Variants in LTBP3 observed in about 807,000 individuals in gnomAD.
The protein encoded by LTBP3 is latent transforming growth factor beta binding protein 3.
A neutral mutation model predicts 159.7 loss-of-function variants in LTBP3; 97 were observed. The observed-to-expected ratio is 0.61, with a 90% CI of 0.52 to 0.72. The LOEUF (loss-of-function observed/expected upper bound fraction) is 0.72, where lower values mean the gene tolerates loss of function less well. Among genes scored for constraint, LTBP3 ranks in the 30% least tolerant of loss-of-function variants. The pLI is 0.00. For missense variants in LTBP3, 1,584 were observed against 1,864.3 expected (o/e 0.85, Z 2.77); for synonymous variants, 824 against 777.1 (o/e 1.06, Z -1.00).
intron 22 of LTBP3, 50 bp from the exon 23 acceptor site, chr11:65,540,432 G>T (rs1387638971): frequency 6.2e-7 from 1 of 1,609,320 alleles, no homozygotes; most frequent in African/African-American, 1.3e-5. Flanking sequence ...GGATGGGCGC[G>T]GTGGCGCGTG....
chr11:65,553,683 G>A lies in LTBP3; in HGVS notation c.864+18C>T, dbSNP rs374205429. 1.2e-4 allele frequency: 195 copies of A among 1,567,154 alleles called. No individual in the cohort carries two copies. In the South Asian group the frequency reaches 2.1e-3, roughly 17 times the overall value. ...CCTGAGAGAAGGAAAGGCAGATCCC[G>A]ACTGTGGATTCACTCACCGGCTGCT... is the stretch of plus-strand genomic sequence containing the variant. On this transcript the variant is annotated intron_variant, in intron 3 of 27. Transcript: ENST00000301873. This position sits in a 1 kb window ranked among gnomAD's most constrained non-coding sequence, Gnocchi z 6.5.
At position 65,551,420 on chromosome 11, in the gene LTBP3, G is replaced by A; in HGVS notation, c.1603C>T (p.Pro535Ser). The change falls in exon 10 of 28, where the codon CCT becomes TCT. Residue 535 changes from proline to serine, a missense_variant. This residue lies in a region of LTBP3 where 565 missense variants were observed against 677.7 expected (regional missense o/e 0.83). Transcript: ENST00000301873. ...AGCTCACCGGGGTAGGGCCGGGCAGGAGTCGTGGTGGCAGTTGGGTGGCTC... is the reference window on the plus strand; with the variant it reads ...AGCTCACCGGGGTAGGGCCGGGCAGAAGTCGTGGTGGCAGTTGGGTGGCTC... ...QQSHPTATTTPARPYPELISR... is the reference protein window; with the variant it reads ...QQSHPTATTTSARPYPELISR... 1 of 1,613,660 alleles carries A rather than the reference G, an allele frequency of 6.2e-7. No homozygotes were observed. Among genetic ancestry groups the A allele is most frequent in the South Asian group, 1.1e-5 (1 of 91,072 alleles).
chr11:65,553,473 C>G lies in LTBP3; in HGVS notation c.922G>C (p.Gly308Arg). 1 of 1,612,132 alleles carries G rather than the reference C, an allele frequency of 6.2e-7. No homozygotes were observed. Among genetic ancestry groups the G allele is most frequent in the Non-Finnish European group, 8.5e-7 (1 of 1,179,868 alleles). Residue 308 changes from glycine (G) to arginine (R), a missense_variant, in exon 4 of 28, where the codon GGC becomes CGC. By Grantham distance (125) the Gly-to-Arg change is moderately radical. Coordinates refer to ENST00000301873, the MANE Select transcript of LTBP3 (RefSeq NM_001130144.3). The surrounding 1 kb of genome is among the most constrained non-coding windows in gnomAD (Gnocchi z 6.5). ...TKQEDCCGSI[G>R]TAWGQSKCHK... Reference sequence around the variant, plus strand: ...CACTTGCTCTGGCCCCAGGCAGTGCCGATGCTACCGCAGCAGTCTTCCTGC... The same window carrying G: ...CACTTGCTCTGGCCCCAGGCAGTGCGGATGCTACCGCAGCAGTCTTCCTGC...
Position 65,538,718 on chromosome 11 carries a change from G to T in LTBP3, c.*362C>A. On this transcript the variant is annotated 3_prime_UTR_variant, in exon 28 of 28. Coordinates refer to ENST00000301873, the MANE Select transcript of LTBP3 (RefSeq NM_001130144.3). Reference sequence around the variant, plus strand: ...TTCTATTTCACACCCCTTGTGCCGGGCTCAGTCTAGCCCCTGGGAGGCGGC... The same window carrying T: ...TTCTATTTCACACCCCTTGTGCCGGTCTCAGTCTAGCCCCTGGGAGGCGGC... The T allele has an allele frequency of 1.8e-6, 2 of 1,119,774 alleles. No individual in the cohort carries two copies. Among genetic ancestry groups the T allele is most frequent in the Non-Finnish European group, 1.2e-6 (1 of 808,970 alleles). The allele number at this position is 1,119,774 out of a possible 1,614,324, so 69.4% of individuals were successfully genotyped here.
Position 65,547,480 on chromosome 11 carries a change from G to A in LTBP3, c.2066C>T (p.Pro689Leu). 6.2e-7 allele frequency: 1 copy of A among 1,614,154 alleles called. No individual in the cohort carries two copies. Among genetic ancestry groups the A allele is most frequent in the Non-Finnish European group, 8.5e-7 (1 of 1,180,016 alleles). Reference protein sequence around the residue: ...FPGHYKCNCYPGYRLKASRPP... With the variant: ...FPGHYKCNCYLGYRLKASRPP... ...CCGGGAGGCTTTGAGCCGGTAGCCGGGGTAGCAGTTGCACTTGTAGTGACC... is the reference window on the plus strand; with the variant it reads ...CCGGGAGGCTTTGAGCCGGTAGCCGAGGTAGCAGTTGCACTTGTAGTGACC... Residue 689 changes from proline (P) to leucine (L), a missense_variant, in exon 14 of 28, where the codon CCC becomes CTC. By Grantham distance (98) the Pro-to-Leu change is moderately conservative. This residue lies in a region of LTBP3 where 565 missense variants were observed against 677.7 expected (regional missense o/e 0.83). Coordinates refer to ENST00000301873, the MANE Select transcript of LTBP3 (RefSeq NM_001130144.3). This position sits in a 1 kb window ranked among gnomAD's most constrained non-coding sequence, Gnocchi z 4.6.
At position 65,539,570 on chromosome 11, in the gene LTBP3, C is replaced by G; in HGVS notation, c.3606G>C (p.Leu1202=). ...CACCTCTTGGGGGCTTCCCCAACAG[C>G]AGGGGGCTTGTGTCCCAGAAGGAAT... ...ESNSFWDTSP[L]LLGKPPRDED... The change falls in exon 26 of 28, where the codon CTG becomes CTC. Residue 1202 remains leucine, a synonymous_variant. Transcript: ENST00000301873. The G allele has an allele frequency of 6.2e-7, 1 of 1,612,828 alleles. No homozygotes were observed. The highest frequency in any genetic ancestry group is 1.7e-5 in the Admixed American group (1 of 59,952).
In LTBP3 at chr11:65,558,013, C is replaced by T. The variant is rs1445830951; in HGVS notation, c.-54G>A. On this transcript the variant is annotated 5_prime_UTR_variant, in exon 1 of 28. Transcript: ENST00000301873. ...GGCGCGCCCGGGCGGGGCGAGGGGC[C>T]CGCGCCCGAAGGGAGTAGAGGGCCG... 4 of 1,097,340 alleles carry T rather than the reference C, an allele frequency of 3.6e-6. No homozygotes were observed. The highest frequency in any genetic ancestry group is 3.3e-6 in the Non-Finnish European group (3 of 902,244). 68.0% of individuals were successfully genotyped at this position (1,097,340 alleles called of 1,614,324 possible).
In LTBP3 at chr11:65,547,667, G is replaced by A. The variant is rs749977269; in HGVS notation, c.1978+23C>T. 2 of 1,605,632 alleles carry A rather than the reference G, an allele frequency of 1.2e-6. No homozygotes were observed. Among genetic ancestry groups the A allele is most frequent in the East Asian group, 2.2e-5 (1 of 44,726 alleles). The stretch of plus-strand genomic sequence containing the variant: ...AGGAGAGCCCGTCCCACCCAGGGCC[G>A]CCTCCGCCCTGGCGGCGCTCACCCA... On this transcript the variant is annotated intron_variant, in intron 13 of 27. Transcript: ENST00000301873. This position sits in a 1 kb window ranked among gnomAD's most constrained non-coding sequence, Gnocchi z 4.6.
chr11:65,540,738 G>GGGGCGGGGCCTACAGGC, intron 21 of LTBP3, 124 bp from the exon 22 acceptor site: 1 of 940,716 alleles, frequency 1.1e-6, no homozygotes, highest in Non-Finnish European at 1.4e-6. Flanking sequence ...GGCCTACAGG[G>GGGGCGGGGCCTACAGGC]CGGGGCCTGC....
At position 65,541,156 on chromosome 11, in the gene LTBP3, C is replaced by T; in HGVS notation, c.2863G>A (p.Glu955Lys). ...CTGTAGACTGGGCAGGGGTAGATTT[C>T]GCAGTGGTCGCCCCAGCCGGCCCCC... ...SLGAGWGDHC[E>K]IYPCPVYSSA... Residue 955 changes from glutamate to lysine, a missense_variant, in exon 20 of 28, where the codon GAA becomes AAA. By Grantham distance (56) the Glu-to-Lys change is moderately conservative. This residue lies in a region of LTBP3 where 565 missense variants were observed against 677.7 expected (regional missense o/e 0.83). Coordinates refer to ENST00000301873, the MANE Select transcript of LTBP3 (RefSeq NM_001130144.3). 3.1e-6 allele frequency: 5 copies of T among 1,613,072 alleles called. No homozygotes were observed. Among genetic ancestry groups the T allele is most frequent in the East Asian group, 2.2e-5 (1 of 44,894 alleles).
chr11:65,547,544 GGGGCTT>G lies in LTBP3; in HGVS notation c.1996_2001del (p.Lys666_Pro667del). ...CAGAAGCCGCCGTCGCCGCACAGGT[GGGGCTT>G]GGCGCATTCGTTCAGGTCTGTGCGG... On this transcript the variant is annotated inframe_deletion, in exon 14 of 28. Coordinates refer to ENST00000301873, the MANE Select transcript of LTBP3 (RefSeq NM_001130144.3). This position sits in a 1 kb window ranked among gnomAD's most constrained non-coding sequence, Gnocchi z 4.6. The G allele has an allele frequency of 1.2e-6, 2 of 1,614,020 alleles. No individual in the cohort carries two copies. The highest frequency in any genetic ancestry group is 1.7e-6 in the Non-Finnish European group (2 of 1,179,962).
chr11:65,541,475 C>T lies in LTBP3; in HGVS notation c.2725+125G>A, dbSNP rs1856135086. The T allele has an allele frequency of 3.9e-6, 6 of 1,529,842 alleles. No individual in the cohort carries two copies. The South Asian group carries it at 6.8e-5, about 17-fold the overall frequency. 94.8% of individuals were successfully genotyped at this position (1,529,842 alleles called of 1,614,324 possible). A position where few individuals can be genotyped will look rare whatever the true frequency, so the allele number is the denominator to read the frequency against. On this transcript the variant is annotated intron_variant, in intron 19 of 27. Transcript: ENST00000301873. The stretch of plus-strand genomic sequence containing the variant: ...CATCGTCTGGCCCCACCAGACTCCC[C>T]CAGCCAAAAGAGATTTCTTCCGGTT...
At chr11:65,541,501 C>T in intron 19 of LTBP3, 99 bp downstream of exon 19, 1 of 1,586,568 alleles carries the variant, frequency 6.3e-7, no homozygotes, top group Non-Finnish European at 8.6e-7. Context: ...TCTTCCGGTT[C>T]CCCAAATTTA....
chr11:65,551,323 C>G, intron 10 of LTBP3, 79 bp downstream of exon 10: 1 of 1,561,804 alleles, frequency 6.4e-7, no homozygotes. Flanking sequence ...TTGACTGTCC[C>G]CGAGTACTTA....
Position 65,552,791 on chromosome 11 carries a change from T to A in LTBP3, c.1186+69A>T, listed in dbSNP as rs1005369551. ...CAACCCTTAACCCCACTCTGATCTC[T>A]TGCGATCTCTGATCCTTGCTCCCAC... On this transcript the variant is annotated intron_variant, in intron 6 of 27. Transcript: ENST00000301873. This position sits in a 1 kb window ranked among gnomAD's most constrained non-coding sequence, Gnocchi z 6.0. 4 of 1,611,236 alleles carry A rather than the reference T, an allele frequency of 2.5e-6. No individual in the cohort carries two copies. The African/African-American group carries it at 4.0e-5, about 16-fold the overall frequency.
At chr11:65,541,445 C>T (rs1199217315) in intron 19 of LTBP3, 152 bp from the exon 20 acceptor site, 23 of 1,426,978 alleles carry the variant, frequency 1.6e-5, no homozygotes, top group African/African-American at 4.2e-5. Context: ...GTGTTCTGGA[C>T]CCTTCATCGT....
rs536472913 is a variant in LTBP3, at chr11:65,548,184, TTC to T, written c.1721-141_1721-140del. ...ATACTCCAACTCCAGGATGTCCTAT[TTC>T]TCTCTTTTAGATAACCCCAATATCA... On this transcript the variant is annotated intron_variant, in intron 11 of 27. Transcript: ENST00000301873. 6 of 1,297,708 alleles carry T rather than the reference TTC, an allele frequency of 4.6e-6. No individual in the cohort carries two copies. The East Asian group carries it at 9.5e-5, about 20-fold the overall frequency. 80.4% of individuals were successfully genotyped at this position (1,297,708 alleles called of 1,614,324 possible).
intron 1 of LTBP3, among the ~76,000 whole-genome samples, chr11:65,556,588 C>T (rs1472714026): frequency 2.0e-5 from 3 of 152,168 alleles, no homozygotes; most frequent in Non-Finnish European, 4.4e-5. Context: ...AGACACACAC[C>T]CAAGACAACA....
rs745825598 is a variant in LTBP3 at position 65,540,606 on chromosome 11, C to T, written c.2986G>A (p.Glu996Lys). Reference sequence around the variant, plus strand: ...ATCTCCGACCCGAACAACATGCACTCGTCGATGTCTGCGGGGTGACAAACA... The same window carrying T: ...ATCTCCGACCCGAACAACATGCACTTGTCGATGTCTGCGGGGTGACAAACA... ...YGIPAHRDID[E>K]CMLFGSEICK... Residue 996 changes from glutamate to lysine, a missense_variant, in exon 22 of 28, where the codon GAG (glutamate) becomes AAG (lysine). Coordinates refer to ENST00000301873, the MANE Select transcript of LTBP3 (RefSeq NM_001130144.3). 3.7e-6 allele frequency: 6 copies of T among 1,613,560 alleles called. No individual in the cohort carries two copies. The South Asian group carries it at 5.5e-5, about 15-fold the overall frequency.
Sources: allele counts gnomAD v4.1 joint callset (sites outside exome capture counted in the v4.1 genomes callset), GRCh38; gene constraint gnomAD v4.1.1; regional missense constraint gnomAD v4.1.1; non-coding constraint Gnocchi (gnomAD v3.1); transcripts MANE v1.5; gene names NCBI Gene and HGNC (gene_info 2026-07-23, HGNC 2026-07-21).